Variants in SRFBP1 observed in about 807,000 individuals in gnomAD.
The protein encoded by SRFBP1 is serum response factor-binding protein 1.
A neutral mutation model predicts 45.5 loss-of-function variants in SRFBP1; 47 were observed. The observed-to-expected ratio is 1.03, with a 90% confidence interval of 0.82 to 1.32. The LOEUF is 1.32. Among genes scored for constraint, SRFBP1 ranks in the 40% most tolerant of loss-of-function variants. The pLI, the probability that SRFBP1 is intolerant of heterozygous loss-of-function variation, is 0.00. For synonymous variants in SRFBP1, 203 were observed against 166.3 expected, an observed-to-expected ratio of 1.22 and a Z score of -1.70; for missense variants, 621 against 484.6, an observed-to-expected ratio of 1.28 and a Z score of -2.64.
At position 121,995,571 on chromosome 5, in the gene SRFBP1, C is replaced by T. The variant is rs929648751; in HGVS notation, c.270+901C>T. Among the ~76,000 whole-genome samples, 449 of 151,890 alleles carry T rather than the reference C, an allele frequency of 3.0e-3. 2 individuals carry two copies. Among genetic ancestry groups the T allele is most frequent in the African/African-American group, 0.01 (423 of 41,422 alleles). Reference sequence around the variant, plus strand: ...CTGACAAGAGAAAGCAGGAAAGATCCAAAATTGACACCCTAACATCACAAT... The same window carrying T: ...CTGACAAGAGAAAGCAGGAAAGATCTAAAATTGACACCCTAACATCACAAT... On this transcript the variant is annotated intron_variant, in intron 4 of 7. Coordinates refer to ENST00000339397, the MANE Select transcript of SRFBP1 (RefSeq NM_152546.3).
intron 1 of SRFBP1, among the ~76,000 whole-genome samples, chr5:121,973,990 C>G (rs1335194410): frequency 6.6e-6 from 1 of 151,780 alleles, no homozygotes; most frequent in East Asian, 1.9e-4. Flanking sequence ...ACTTGTTTTT[C>G]TTAAGCTCTC....
intron 3 of SRFBP1, among the ~76,000 whole-genome samples, chr5:121,981,835 T>A (rs564619905): frequency 6.6e-6 from 1 of 152,146 alleles, no homozygotes; most frequent in Admixed American, 6.6e-5. Flanking sequence ...TTCATGCCAT[T>A]CCTGCTGCTT....
chr5:121,963,983 C>G (rs1438952291), intron 1 of SRFBP1, among the ~76,000 whole-genome samples: 2 of 151,958 alleles, frequency 1.3e-5, no homozygotes, highest in African/African-American at 4.8e-5. Context: ...GGCTAATGCC[C>G]TTAATAGGAA....
At chr5:122,036,863 G>T (rs1435749399) in intron 2 of SRFBP1, among the ~76,000 whole-genome samples, 1 of 151,000 alleles carries the variant, frequency 6.6e-6, no homozygotes, top group African/African-American at 2.4e-5. Flanking sequence ...CGATGAGTAT[G>T]AATATAGCAG....
At position 122,053,044 on chromosome 5, in the gene SRFBP1, C is replaced by G. The variant is rs112818429; in HGVS notation, n.312-22271C>G. Among the ~76,000 whole-genome samples, 301 of 152,164 alleles carry G rather than the reference C, an allele frequency of 2.0e-3. 1 individual carries two copies. Among genetic ancestry groups the G allele is most frequent in the African/African-American group, 7.0e-3 (290 of 41,530 alleles). On this transcript the variant is annotated intron_variant and non_coding_transcript_variant, in intron 2 of 2. Coordinates refer to the SRFBP1 transcript ENST00000504881. ...CCCCTCCAATTGCTGTCTCCATGCC[C>G]ATGTTTCTTTTGTTGGGTATCCTGC...
At chr5:122,035,915 T>G (rs1753686864) in intron 2 of SRFBP1, among the ~76,000 whole-genome samples, 2 of 152,208 alleles carry the variant, frequency 1.3e-5, no homozygotes, top group Non-Finnish European at 2.9e-5. Context: ...GCTTGAGGAA[T>G]GAGTAACATC....
chr5:122,021,291 G>A (rs1247844641), intron 6 of SRFBP1, among the ~76,000 whole-genome samples: 1 of 152,078 alleles, frequency 6.6e-6, no homozygotes, highest in Non-Finnish European at 1.5e-5. Context: ...TGATGTTGCT[G>A]TCTCCATCTC....
chr5:121,984,001 C>G (rs967002930), intron 3 of SRFBP1, among the ~76,000 whole-genome samples: 1 of 151,764 alleles, frequency 6.6e-6, no homozygotes, highest in Non-Finnish European at 1.5e-5. Context: ...TCATTTGTTT[C>G]TAATACTACA....
intron 7 of SRFBP1, among the ~76,000 whole-genome samples, chr5:122,024,232 G>A (rs1253508028): frequency 1.3e-5 from 2 of 152,194 alleles, no homozygotes; most frequent in African/African-American, 2.4e-5. Context: ...CTTGTGGCCT[G>A]CTTGCCAAGT....
chr5:121,998,544 T>C lies in SRFBP1; in HGVS notation c.270+3874T>C, dbSNP rs554791679. Among the ~76,000 whole-genome samples, 31 of 142,012 alleles carry C rather than the reference T, an allele frequency of 2.2e-4. No individual in the cohort carries two copies. In the South Asian group the frequency reaches 5.4e-3, roughly 25 times the overall value. 93.2% of individuals were successfully genotyped at this position (142,012 alleles called of 152,430 possible). On this transcript the variant is annotated intron_variant, in intron 4 of 7. Coordinates refer to ENST00000339397, the MANE Select transcript of SRFBP1 (RefSeq NM_152546.3). ...GTGGGGGGAGGGGGGAGGGATAGCATTGGGAGATATACCTAATGCTAGATG... is the reference window on the plus strand; with the variant it reads ...GTGGGGGGAGGGGGGAGGGATAGCACTGGGAGATATACCTAATGCTAGATG...
intron 3 of SRFBP1, among the ~76,000 whole-genome samples, chr5:121,989,309 G>C (rs768281389): frequency 6.6e-6 from 1 of 151,782 alleles, no homozygotes; most frequent in African/African-American, 2.4e-5. Flanking sequence ...ATCGTGATCC[G>C]CCCACCTCAG....
chr5:121,988,719 C>T (rs1752566217), intron 3 of SRFBP1, among the ~76,000 whole-genome samples: 1 of 152,204 alleles, frequency 6.6e-6, no homozygotes, highest in Admixed American at 6.5e-5. Flanking sequence ...AACATAAACT[C>T]TCTGATCAGA....
At position 122,073,436 on chromosome 5, in the gene SRFBP1, C is replaced by T. The variant is rs575753696; in HGVS notation, n.312-1879C>T. Among the ~76,000 whole-genome samples, 5 of 152,240 alleles carry T rather than the reference C, an allele frequency of 3.3e-5. No individual in the cohort carries two copies. In the East Asian group the frequency reaches 9.6e-4, roughly 29 times the overall value. On this transcript the variant is annotated intron_variant and non_coding_transcript_variant, in intron 2 of 2. Coordinates refer to the SRFBP1 transcript ENST00000504881. ...TTATTTGCATTATTAAAAGAGGCAACTTTTTAAAGTGCTTTTAAAGAAACT... is the reference window on the plus strand; with the variant it reads ...TTATTTGCATTATTAAAAGAGGCAATTTTTTAAAGTGCTTTTAAAGAAACT...
chr5:122,035,589 T>A (rs1456072923), intron 2 of SRFBP1, among the ~76,000 whole-genome samples: 1 of 152,204 alleles, frequency 6.6e-6, no homozygotes, highest in Non-Finnish European at 1.5e-5. Context: ...CAAGAAAATT[T>A]ATGATTTTGT....
At chr5:121,999,875 T>G (rs912884110) in intron 4 of SRFBP1, among the ~76,000 whole-genome samples, 1 of 152,174 alleles carries the variant, frequency 6.6e-6, no homozygotes, top group Non-Finnish European at 1.5e-5. Context: ...ACTTGGATCA[T>G]GCTTTTTATC....
chr5:122,015,995 T>G (rs1753187313), intron 4 of SRFBP1, among the ~76,000 whole-genome samples: 1 of 152,188 alleles, frequency 6.6e-6, no homozygotes. Flanking sequence ...AGGTGAACAT[T>G]TATTGATTAT....
chr5:122,042,069 T>A (rs1191396253), intron 2 of SRFBP1, among the ~76,000 whole-genome samples: 2 of 152,198 alleles, frequency 1.3e-5, no homozygotes, highest in Non-Finnish European at 2.9e-5. Flanking sequence ...TTTTTGTTGT[T>A]CTTTAAACAT....
Position 121,994,622 on chromosome 5 carries a change from T to C in SRFBP1, c.222T>C (p.Thr74=), listed in dbSNP as rs745575023. ...AGGAATTGAAACCTGACATAGTAACTAAATCTGCTCTTGGTGATGATATCA... is the reference window on the plus strand; with the variant it reads ...AGGAATTGAAACCTGACATAGTAACCAAATCTGCTCTTGGTGATGATATCA... The part of the protein sequence containing the change: ...AMKELKPDIV[T]KSALGDDINF... Residue 74 remains threonine (T), a synonymous_variant, in exon 4 of 8, where the codon ACT becomes ACC. Transcript: ENST00000339397. The C allele has an allele frequency of 2.5e-6, 4 of 1,598,266 alleles. No homozygotes were observed. The South Asian group carries it at 4.5e-5, about 18-fold the overall frequency.
chr5:122,019,823 A>C (rs1753265543), intron 5 of SRFBP1, among the ~76,000 whole-genome samples: 1 of 152,050 alleles, frequency 6.6e-6, no homozygotes, highest in African/African-American at 2.4e-5. Flanking sequence ...TGATGTTTTT[A>C]CTGTTCTTCA....
Sources: gnomAD v4.1 joint callset for allele counts (sites outside exome capture counted in the v4.1 genomes callset) on GRCh38, gnomAD v4.1.1 for gene constraint, MANE v1.5 for transcripts, NCBI Gene and HGNC (gene_info 2026-07-23, HGNC 2026-07-21) for gene names.